NBEAL1: variants seen among roughly 807,000 people sequenced by gnomAD.
The protein encoded by NBEAL1 is neurobeachin like 1.
A neutral mutation model predicts 351.3 loss-of-function variants in NBEAL1; 273 were observed. That is an observed-to-expected ratio of 0.78 (90% CI 0.70 to 0.86). The LOEUF (loss-of-function observed/expected upper bound fraction) is 0.86, where lower values mean the gene tolerates loss of function less well. Ranked by LOEUF, NBEAL1 falls within the 40% of genes least tolerant of loss-of-function variation. The pLI, the probability that NBEAL1 is intolerant of heterozygous loss-of-function variation, is 0.00. For synonymous variants in NBEAL1, 1,050 were observed against 1,086.4 expected (o/e 0.97, Z 0.66); for missense variants, 2,961 against 3,201.3 (o/e 0.92, Z 1.81).
intron 18 of NBEAL1, among the ~76,000 whole-genome samples, chr2:203,116,811 G>A (rs2062710815): frequency 6.6e-6 from 1 of 150,950 alleles, no homozygotes; most frequent in Admixed American, 6.6e-5. Flanking sequence ...AAAAAAAGGG[G>A]GGGGCCCAGC....
intron 53 of NBEAL1, 107 bp downstream of exon 53, chr2:203,209,429 G>T (rs2065710661): frequency 3.5e-6 from 3 of 850,240 alleles, no homozygotes; most frequent in Admixed American, 4.9e-5. Flanking sequence ...ATATTTTAAA[G>T]ATGATGTTTT....
At chr2:203,043,366 T>C (rs2061173654) in intron 3 of NBEAL1, among the ~76,000 whole-genome samples, 1 of 152,088 alleles carries the variant, frequency 6.6e-6, no homozygotes, top group African/African-American at 2.4e-5. Context: ...GGCCTAATAG[T>C]TGTTCAGTAA....
chr2:203,121,417 C>G (rs1051993002), intron 18 of NBEAL1, among the ~76,000 whole-genome samples: 1 of 151,984 alleles, frequency 6.6e-6, no homozygotes, highest in Non-Finnish European at 1.5e-5. Context: ...CTTTGGGAGG[C>G]CGAGGTGGGT....
At chr2:203,079,292 C>G (rs1316709433) in intron 8 of NBEAL1, among the ~76,000 whole-genome samples, 2 of 152,078 alleles carry the variant, frequency 1.3e-5, no homozygotes, top group Non-Finnish European at 2.9e-5. Flanking sequence ...TGCCATGTTG[C>G]CCAGGTTGAG....
rs751091362 is a variant in NBEAL1 at position 203,183,406 on chromosome 2, A to C, written c.6705+18A>C. On this transcript the variant is annotated intron_variant, in intron 44 of 55. Transcript: ENST00000683969. ...AAGCTTTGGTAAGAGTTTTGCATTT[A>C]GTTATTTGACAGAATAATAAGATAA... The C allele has an allele frequency of 1.3e-5, 18 of 1,349,214 alleles. No individual in the cohort carries two copies. Among genetic ancestry groups the C allele is most frequent in the Non-Finnish European group, 1.7e-5 (16 of 963,974 alleles). The allele number at this position is 1,349,214 out of a possible 1,614,324, so 83.6% of individuals were successfully genotyped here. A position where few individuals can be genotyped will look rare whatever the true frequency, so the allele number is the denominator to read the frequency against.
chr2:203,176,414 C>T (rs1417761507), intron 42 of NBEAL1, among the ~76,000 whole-genome samples: 1 of 151,920 alleles, frequency 6.6e-6, no homozygotes, highest in Non-Finnish European at 1.5e-5. Context: ...ATAGAAGATA[C>T]TTTTCTCTCC....
chr2:203,075,696 C>A (rs967506056), intron 7 of NBEAL1, among the ~76,000 whole-genome samples: 1 of 152,226 alleles, frequency 6.6e-6, no homozygotes, highest in Non-Finnish European at 1.5e-5. Context: ...CTCAACTCAG[C>A]AAATGGCTGT....
At chr2:203,105,722 A>G (rs2062422744) in intron 12 of NBEAL1, among the ~76,000 whole-genome samples, 1 of 152,230 alleles carries the variant, frequency 6.6e-6, no homozygotes, top group African/African-American at 2.4e-5. Flanking sequence ...TACTTGTGAT[A>G]ATTTTAAAGA....
intron 6 of NBEAL1, among the ~76,000 whole-genome samples, chr2:203,065,579 C>T (rs1229606358): frequency 4.6e-5 from 7 of 152,126 alleles, no homozygotes; most frequent in South Asian, 4.2e-4. Context: ...AGTGAAACCC[C>T]GTCTCTACTA....
At chr2:203,086,815 G>A (rs2061969305) in intron 10 of NBEAL1, among the ~76,000 whole-genome samples, 1 of 152,164 alleles carries the variant, frequency 6.6e-6, no homozygotes. Flanking sequence ...GATTACAGGC[G>A]TGAGCCACCG....
chr2:203,181,302 G>A (rs1437519603), intron 43 of NBEAL1: 1 of 152,000 alleles, frequency 6.6e-6, no homozygotes, highest in African/African-American at 2.4e-5. Flanking sequence ...AGTTGCAACA[G>A]ATATGATAAC....
At chr2:203,195,878 A>G (rs953494329) in intron 47 of NBEAL1, among the ~76,000 whole-genome samples, 15 of 152,336 alleles carry the variant, frequency 9.8e-5, no homozygotes, top group Admixed American at 9.8e-4. Context: ...GAAGAAAAAC[A>G]AGTGTTTAGC....
intron 21 of NBEAL1, among the ~76,000 whole-genome samples, 178 bp from the exon 22 acceptor site, chr2:203,126,379 A>T (rs894824118): frequency 6.6e-6 from 1 of 152,170 alleles, no homozygotes; most frequent in African/African-American, 2.4e-5. Context: ...GGAATATGAC[A>T]CTAGGAGAAT....
intron 3 of NBEAL1, among the ~76,000 whole-genome samples, chr2:203,046,727 A>G (rs2061232815): frequency 6.6e-6 from 1 of 152,156 alleles, no homozygotes; most frequent in South Asian, 2.1e-4. Flanking sequence ...AATCCCATCC[A>G]TGAGGGCAGA....
At chr2:203,171,231 C>G (rs2064309487) in intron 39 of NBEAL1, among the ~76,000 whole-genome samples, 1 of 152,032 alleles carries the variant, frequency 6.6e-6, no homozygotes. Flanking sequence ...GCACTCCAGC[C>G]TGGGCAACAA....
At chr2:203,162,298 A>G (rs2063991459) in intron 36 of NBEAL1, among the ~76,000 whole-genome samples, 1 of 152,118 alleles carries the variant, frequency 6.6e-6, no homozygotes, top group African/African-American at 2.4e-5. Flanking sequence ...TGCTGGGACT[A>G]CAGGTGTGAG....
At chr2:203,018,842 G>A (rs1267442971) in intron 2 of NBEAL1, among the ~76,000 whole-genome samples, 3 of 152,050 alleles carry the variant, frequency 2.0e-5, no homozygotes, top group African/African-American at 7.2e-5. Flanking sequence ...ATTTAAATAT[G>A]TGTAATAACT....
intron 19 of NBEAL1, among the ~76,000 whole-genome samples, chr2:203,123,511 T>C (rs549735444): frequency 6.6e-6 from 1 of 152,140 alleles, no homozygotes; most frequent in South Asian, 2.1e-4. Context: ...TTTTGTATTT[T>C]TTAGTAGAGA....
Position 203,151,502 on chromosome 2 carries a change from G to C in NBEAL1, c.5500G>C (p.Glu1834Gln), listed in dbSNP as rs1370749663. The C allele has an allele frequency of 6.2e-6, 10 of 1,607,758 alleles. No individual in the cohort carries two copies. The highest frequency in any genetic ancestry group is 1.3e-5 in the African/African-American group (1 of 74,708). The change falls in exon 35 of 56, where the codon GAG (glutamate) becomes CAG (glutamine). Residue 1834 changes from glutamate to glutamine, a missense_variant. Physicochemically the swap from Glu to Gln is conservative, Grantham distance 29 (BLOSUM62 2). Transcript: ENST00000683969. ...AATTCACTGGAAGCTAGCTAATGTA[G>C]AGAATTATTCCCGCATGAGACTTAA... The part of the protein sequence containing the change: ...NPIHWKLANV[E>Q]NYSRMRLKLV...
Sources: gnomAD v4.1 joint callset for allele counts (sites outside exome capture counted in the v4.1 genomes callset) on GRCh38, gnomAD v4.1.1 for gene constraint, MANE v1.5 for transcripts, NCBI Gene and HGNC (gene_info 2026-07-23, HGNC 2026-07-21) for gene names.